The following AGXT2 variants were observed in gnomAD, a reference collection of about 807,000 sequenced individuals.
The protein encoded by AGXT2 is alanine--glyoxylate aminotransferase 2.
In AGXT2, 61 loss-of-function variants were observed where a neutral mutation model predicts 62.5. That is an observed-to-expected ratio of 0.98 (90% CI 0.79 to 1.21). The LOEUF is 1.21. Ranked by LOEUF, AGXT2 falls within the 50% of genes most tolerant of loss-of-function variation. AGXT2 has a pLI of 0.00. For synonymous variants in AGXT2, 243 were observed against 218.7 expected, an observed-to-expected ratio of 1.11 and a Z score of -0.98; for missense variants, 666 against 641.5, an observed-to-expected ratio of 1.04 and a Z score of -0.41.
intron 1 of AGXT2, among the ~76,000 whole-genome samples, chr5:35,043,843 A>G (rs1579518035): frequency 6.6e-6 from 1 of 152,218 alleles, no homozygotes; most frequent in South Asian, 2.1e-4. Context: ...GGGGCATGCC[A>G]CCACACCCGG....
Position 35,003,838 on chromosome 5 carries a change from A to G in AGXT2, c.1362T>C (p.Arg454=). 1 of 1,614,124 alleles carries G rather than the reference A, an allele frequency of 6.2e-7. No homozygotes were observed. The highest frequency in any genetic ancestry group is 8.5e-7 in the Non-Finnish European group (1 of 1,179,988). ...CCTCATGGATCTGATTTACTTCTTCACGGGGAAGAGGCCGACAGCTTATCT... is the reference window on the plus strand; with the variant it reads ...CCTCATGGATCTGATTTACTTCTTCGCGGGGAAGAGGCCGACAGCTTATCT... ...QDKISCRPLP[R]EEVNQIHEDC... The change falls in exon 13 of 14, where the codon CGT becomes CGC. Residue 454 remains arginine (R), a synonymous_variant. Coordinates refer to ENST00000231420, the MANE Select transcript of AGXT2 (RefSeq NM_031900.4).
intron 1 of AGXT2, among the ~76,000 whole-genome samples, chr5:35,041,314 G>A (rs1767983697): frequency 6.9e-6 from 1 of 145,950 alleles, no homozygotes; most frequent in Non-Finnish European, 1.5e-5. Context: ...GGAGCTAGGA[G>A]GGACCTTACA....
At chr5:35,028,552 GA>G (rs1371980556) in intron 7 of AGXT2, among the ~76,000 whole-genome samples, 1 of 126,972 alleles carries the variant, frequency 7.9e-6, no homozygotes, top group Non-Finnish European at 1.6e-5. Context: ...AAGGAAGCAG[GA>G]AAGGTGAGAG....
intron 9 of AGXT2, among the ~76,000 whole-genome samples, chr5:35,020,480 T>C (rs1222073886): frequency 2.6e-5 from 4 of 152,174 alleles, no homozygotes; most frequent in Non-Finnish European, 5.9e-5. Context: ...AACCACATGA[T>C]TATCTCAATA....
At chr5:35,022,266 A>G (rs1178953312) in intron 9 of AGXT2, among the ~76,000 whole-genome samples, 1 of 151,952 alleles carries the variant, frequency 6.6e-6, no homozygotes, top group Non-Finnish European at 1.5e-5. Context: ...ATAAAGACAC[A>G]TGCACACGTA....
At chr5:35,025,630 T>C (rs1561224643) in intron 9 of AGXT2, 133 bp downstream of exon 9, 1 of 879,250 alleles carries the variant, frequency 1.1e-6, no homozygotes, top group African/African-American at 1.7e-5. Flanking sequence ...ACAAATTTCA[T>C]TCATTTGTAG....
chr5:35,026,101 G>T, intron 8 of AGXT2: 1 of 593,066 alleles, frequency 1.7e-6, no homozygotes, highest in Non-Finnish European at 3.0e-6. Context: ...AAAAGAAATT[G>T]GTGAGACTAA....
Position 35,010,019 on chromosome 5 carries a change from A to G in AGXT2, c.1319T>C (p.Ile440Thr), listed in dbSNP as rs370870851. 2.5e-5 allele frequency: 40 copies of G among 1,614,074 alleles called. No homozygotes were observed. The highest frequency in any genetic ancestry group is 3.1e-5 in the Non-Finnish European group (37 of 1,180,046). ...DVRGKGLMIG[I>T]EMVQDKISCR... Reference sequence around the variant, plus strand: ...ACCTACCTTATCCTGCACCATTTCTATGCCTATCATGAGACCTTTGCCTCG... The same window carrying G: ...ACCTACCTTATCCTGCACCATTTCTGTGCCTATCATGAGACCTTTGCCTCG... Residue 440 changes from isoleucine to threonine, a missense_variant, in exon 12 of 14, where the codon ATA (isoleucine) becomes ACA (threonine). By Grantham distance (89) the Ile-to-Thr change is moderately conservative. Transcript: ENST00000231420.
chr5:35,003,578 CT>C lies in AGXT2; in HGVS notation c.1437+184del, dbSNP rs11426533. On this transcript the variant is annotated intron_variant, in intron 13 of 13. Coordinates refer to ENST00000231420, the MANE Select transcript of AGXT2 (RefSeq NM_031900.4). ...GGCCTGAGAGCTGCACTGTCTCCGC[CT>C]TTTTTTTTTTTGTACCCGAGCTTCA... Among the ~76,000 whole-genome samples the C allele has an allele frequency of 9.2e-4, 134 of 145,126 alleles. 2 individuals carry two copies. The highest frequency in any genetic ancestry group is 1.5e-3 in the Admixed American group (22 of 14,536).
chr5:34,998,238 T>A lies in AGXT2; in HGVS notation c.*481A>T, dbSNP rs1766101944. ...CATCTTCCAACCTCACCAAAAAGGG[T>A]TGTCCTCATGACTACAAGCCGGCTG... On this transcript the variant is annotated 3_prime_UTR_variant, in exon 14 of 14. Coordinates refer to ENST00000231420, the MANE Select transcript of AGXT2 (RefSeq NM_031900.4). 1 of 181,618 alleles carries A rather than the reference T, an allele frequency of 5.5e-6. No individual in the cohort carries two copies. The highest frequency in any genetic ancestry group is 5.4e-5 in the Admixed American group (1 of 18,526). 11.3% of individuals were successfully genotyped at this position (181,618 alleles called of 1,614,324 possible).
At chr5:35,004,127 G>A (rs1348617331) in intron 12 of AGXT2, among the ~76,000 whole-genome samples, 1 of 152,184 alleles carries the variant, frequency 6.6e-6, no homozygotes, top group Non-Finnish European at 1.5e-5. Context: ...AGTTCTGTGC[G>A]GATAGCCAGT....
At chr5:35,012,505 G>T (rs1238109753) in intron 11 of AGXT2, 2 of 210,454 alleles carry the variant, frequency 9.5e-6, no homozygotes, top group Admixed American at 5.2e-5. Context: ...AATCAATGGT[G>T]TAGGGGTGAA....
chr5:35,012,992 T>A lies in AGXT2; in HGVS notation c.1150A>T (p.Asn384Tyr), dbSNP rs1188414295. The change falls in exon 11 of 14, where the codon AAC (asparagine) becomes TAC (tyrosine). Residue 384 changes from asparagine (N) to tyrosine (Y), a missense_variant. Transcript: ENST00000231420. ...CLQHFNTFGG[N>Y]PMACAIGSAV... is the part of the protein sequence containing the mutation. ...GATCCAATGGCACAGGCCATGGGGT[T>A]CCCTCCAAAGGTGTTGAAGTGCTGC... The A allele has an allele frequency of 6.4e-7, 1 of 1,550,648 alleles. No individual in the cohort carries two copies. Among genetic ancestry groups the A allele is most frequent in the African/African-American group, 1.4e-5 (1 of 73,040 alleles).
chr5:35,005,153 T>A (rs970493799), intron 12 of AGXT2, among the ~76,000 whole-genome samples: 1 of 152,100 alleles, frequency 6.6e-6, no homozygotes, highest in Non-Finnish European at 1.5e-5. Context: ...TTAAATATGA[T>A]TTGAGAGGCC....
At chr5:35,005,569 C>G (rs538205090) in intron 12 of AGXT2, among the ~76,000 whole-genome samples, 1 of 151,746 alleles carries the variant, frequency 6.6e-6, no homozygotes, top group East Asian at 1.9e-4. Flanking sequence ...GGCTTCACCC[C>G]GACCTTGCTC....
At chr5:35,031,539 C>A (rs768824374) in intron 7 of AGXT2, among the ~76,000 whole-genome samples, 1 of 152,112 alleles carries the variant, frequency 6.6e-6, no homozygotes, top group Non-Finnish European at 1.5e-5. Context: ...TACTAAGGAG[C>A]GGCTATTAAA....
intron 9 of AGXT2, among the ~76,000 whole-genome samples, chr5:35,023,433 G>A (rs1325556810): frequency 1.3e-5 from 2 of 152,152 alleles, no homozygotes; most frequent in Non-Finnish European, 2.9e-5. Flanking sequence ...CCTTCTTGAG[G>A]ATTGCCTGTG....
intron 11 of AGXT2, among the ~76,000 whole-genome samples, chr5:35,010,467 C>A (rs952972212): frequency 1.3e-4 from 20 of 152,064 alleles, no homozygotes; most frequent in Non-Finnish European, 2.5e-4. Flanking sequence ...ATCACAAGGT[C>A]AGGAGTTCGG....
intron 1 of AGXT2, among the ~76,000 whole-genome samples, chr5:35,046,102 G>A (rs1212930841): frequency 1.3e-5 from 2 of 152,052 alleles, no homozygotes; most frequent in African/African-American, 4.8e-5. Context: ...TCCCTGTAGT[G>A]TCCTTGCTGG....
Sources: allele counts gnomAD v4.1 joint callset (sites outside exome capture counted in the v4.1 genomes callset), GRCh38; gene constraint gnomAD v4.1.1; transcripts MANE v1.5; gene names NCBI Gene and HGNC (gene_info 2026-07-23, HGNC 2026-07-21).